ADAM22: variants seen among roughly 807,000 people sequenced by gnomAD.
The protein encoded by ADAM22 is disintegrin and metalloproteinase domain-containing protein 22.
ADAM22 carries 65 observed loss-of-function variants against 144.6 expected under a neutral mutation model. The observed-to-expected ratio is 0.45, with a 90% confidence interval of 0.37 to 0.55. The LOEUF (loss-of-function observed/expected upper bound fraction) is 0.55, where lower values mean the gene tolerates loss of function less well. Among genes scored for constraint, ADAM22 ranks in the 20% least tolerant of loss-of-function variants. The probability of loss-of-function intolerance (pLI) is 0.00; values close to 1 mark genes in which losing one functional copy is unlikely to be tolerated. For synonymous variants in ADAM22, 391 were observed against 412.6 expected (o/e 0.95, Z 0.63); for missense variants, 974 against 1,184.9 (o/e 0.82, Z 2.61).
intron 25 of ADAM22, chr7:88,168,484 C>T: frequency 6.1e-6 from 3 of 488,278 alleles, no homozygotes; most frequent in South Asian, 5.0e-5. Flanking sequence ...GAATTGAAAC[C>T]AGTCTAAATT....
intron 3 of ADAM22, among the ~76,000 whole-genome samples, chr7:88,015,435 C>T (rs1796351628): frequency 6.6e-6 from 1 of 152,116 alleles, no homozygotes; most frequent in Non-Finnish European, 1.5e-5. Context: ...TCCCTGCTGC[C>T]CTTAGTTGTA....
intron 17 of ADAM22, among the ~76,000 whole-genome samples, chr7:88,147,534 T>C (rs891033966): frequency 3.9e-5 from 6 of 152,256 alleles, no homozygotes; most frequent in Non-Finnish European, 4.4e-5. Context: ...AATAAAACTT[T>C]ATTTATAAAG....
chr7:88,090,896 G>A (rs747963173), intron 4 of ADAM22, among the ~76,000 whole-genome samples: 3 of 152,112 alleles, frequency 2.0e-5, no homozygotes, highest in Non-Finnish European at 4.4e-5. Flanking sequence ...CCATTTTTAA[G>A]TACTTTCATT....
chr7:88,194,621 A>G (rs144640213), intron 31 of ADAM22, among the ~76,000 whole-genome samples: 7 of 152,304 alleles, frequency 4.6e-5, no homozygotes, highest in Admixed American at 2.6e-4. Flanking sequence ...TGGAGTAATC[A>G]TGACATTCAG....
intron 26 of ADAM22, among the ~76,000 whole-genome samples, chr7:88,174,363 C>T (rs1323509988): frequency 2.0e-5 from 3 of 152,112 alleles, no homozygotes; most frequent in African/African-American, 7.2e-5. Flanking sequence ...TGCAGCATCA[C>T]TTTAAATCTG....
At chr7:88,123,932 A>G (rs935209638) in intron 7 of ADAM22, among the ~76,000 whole-genome samples, 12 of 151,796 alleles carry the variant, frequency 7.9e-5, no homozygotes, top group African/African-American at 2.9e-4. Context: ...GCACCTTTTT[A>G]TTATAGATTT....
chr7:88,026,096 CT>C (rs997313147), intron 3 of ADAM22, among the ~76,000 whole-genome samples: 1 of 152,074 alleles, frequency 6.6e-6, no homozygotes. Flanking sequence ...TTATAAGTAT[CT>C]ACTATAAATT....
chr7:88,155,482 A>G (rs1839676602), intron 21 of ADAM22, among the ~76,000 whole-genome samples: 1 of 151,282 alleles, frequency 6.6e-6, no homozygotes, highest in African/African-American at 2.4e-5. Flanking sequence ...TGATTACACC[A>G]CTACACTCCA....
At chr7:88,002,758 C>T (rs1476817386) in intron 3 of ADAM22, among the ~76,000 whole-genome samples, 4 of 152,164 alleles carry the variant, frequency 2.6e-5, no homozygotes, top group African/African-American at 7.2e-5. Context: ...GGAGAGTCAT[C>T]ATAGTTAGTG....
intron 2 of ADAM22, among the ~76,000 whole-genome samples, chr7:87,956,965 A>G (rs532767180): frequency 1.3e-5 from 2 of 152,190 alleles, no homozygotes; most frequent in Non-Finnish European, 2.9e-5. Flanking sequence ...ATACAGTGGT[A>G]TACATTTCAT....
intron 3 of ADAM22, among the ~76,000 whole-genome samples, chr7:88,016,713 TG>T (rs768413916): frequency 7.9e-4 from 121 of 152,264 alleles, no homozygotes; most frequent in Non-Finnish European, 1.1e-3. Context: ...CACTCATATG[TG>T]GGAGCTAAAA....
chr7:88,178,551 A>G (rs1422165194), intron 26 of ADAM22, among the ~76,000 whole-genome samples: 1 of 152,182 alleles, frequency 6.6e-6, no homozygotes, highest in African/African-American at 2.4e-5. Context: ...CCACAAAGAA[A>G]AAGAAAGCTA....
chr7:87,999,448 A>G (rs1792016506), intron 3 of ADAM22, among the ~76,000 whole-genome samples: 1 of 152,214 alleles, frequency 6.6e-6, no homozygotes. Flanking sequence ...TCACATGGCT[A>G]GTTAGCATGT....
intron 17 of ADAM22, among the ~76,000 whole-genome samples, chr7:88,147,031 T>A (rs1175888612): frequency 6.6e-6 from 1 of 152,226 alleles, no homozygotes; most frequent in Non-Finnish European, 1.5e-5. Flanking sequence ...AGTCTGCCCA[T>A]CTACAAAATG....
chr7:88,090,938 C>T (rs573378711), intron 4 of ADAM22, among the ~76,000 whole-genome samples: 1 of 152,200 alleles, frequency 6.6e-6, no homozygotes, highest in African/African-American at 2.4e-5. Flanking sequence ...GAGGAATACT[C>T]ATTAATTTTC....
At chr7:88,148,913 A>T in intron 17 of ADAM22, 64 bp from the exon 18 acceptor site, 2 of 1,224,110 alleles carry the variant, frequency 1.6e-6, no homozygotes, top group Non-Finnish European at 2.3e-6. Context: ...TGTTTTTTTT[A>T]GATGATATTG....
intron 17 of ADAM22, among the ~76,000 whole-genome samples, chr7:88,145,759 T>C (rs190285817): frequency 3.3e-5 from 5 of 152,266 alleles, no homozygotes; most frequent in African/African-American, 9.6e-5. Flanking sequence ...ACCAAGTAAG[T>C]TGGGGAACTA....
chr7:87,987,813 A>G (rs931889468), intron 3 of ADAM22, among the ~76,000 whole-genome samples: 13 of 152,138 alleles, frequency 8.5e-5, no homozygotes, highest in African/African-American at 2.7e-4. Flanking sequence ...TTATCTCAGT[A>G]TGTCTGTATA....
intron 2 of ADAM22, among the ~76,000 whole-genome samples, chr7:87,955,285 A>G (rs1846367637): frequency 6.6e-6 from 1 of 151,944 alleles, no homozygotes. Flanking sequence ...TTGGTCTTTG[A>G]TGATGGTGAT....
Sources: allele counts gnomAD v4.1 joint callset (sites outside exome capture counted in the v4.1 genomes callset), GRCh38; gene constraint gnomAD v4.1.1; transcripts MANE v1.5; gene names NCBI Gene and HGNC (gene_info 2026-07-23, HGNC 2026-07-21).